ZNF654: variants seen among roughly 807,000 people sequenced by gnomAD.
The protein encoded by ZNF654 is zinc finger protein 654.
ZNF654 carries 19 observed loss-of-function variants against 95.3 expected under a neutral mutation model. The observed-to-expected ratio is 0.20, with a 90% confidence interval of 0.14 to 0.29. The LOEUF (loss-of-function observed/expected upper bound fraction) is 0.29. ZNF654 is among the 10% of genes least tolerant of loss of function. The pLI, the probability that ZNF654 is intolerant of heterozygous loss-of-function variation, is 1.00. For synonymous variants in ZNF654, 413 were observed against 457.9 expected (o/e 0.90, Z 1.25); for missense variants, 1,046 against 1,341.0 (o/e 0.78, Z 3.44).
chr3:88,080,439 C>G (rs186365408), intron 1 of ZNF654, among the ~76,000 whole-genome samples: 1 of 151,990 alleles, frequency 6.6e-6, no homozygotes, highest in Admixed American at 6.6e-5. Context: ...CAGGAATTAT[C>G]CTATATTTTA....
At chr3:88,088,443 C>G (rs1708449099) in intron 2 of ZNF654, among the ~76,000 whole-genome samples, 1 of 151,724 alleles carries the variant, frequency 6.6e-6, no homozygotes, top group Non-Finnish European at 1.5e-5. Flanking sequence ...AAGTTACGTA[C>G]AACATTAAAA....
chr3:88,112,589 A>T (rs557358500), intron 2 of ZNF654, among the ~76,000 whole-genome samples: 1 of 152,128 alleles, frequency 6.6e-6, no homozygotes, highest in South Asian at 2.1e-4. Context: ...TAGTGTGAGG[A>T]ACCATGTGTC....
Position 88,140,429 on chromosome 3 carries a change from G to A in ZNF654, c.2760G>A (p.Glu920=). Residue 920 remains glutamate, a synonymous_variant, in exon 8 of 9, where the codon GAG becomes GAA. Coordinates refer to ENST00000636215, the MANE Select transcript of ZNF654 (RefSeq NM_001350134.2). ...LPVSTSKSRK[E]STEPKTCIES... ...TTTCTACTAGCAAATCAAGGAAAGAGTCTACAGAACCAAAGACATGTATAG... is the reference window on the plus strand; with the variant it reads ...TTTCTACTAGCAAATCAAGGAAAGAATCTACAGAACCAAAGACATGTATAG... The A allele has an allele frequency of 6.2e-7, 1 of 1,613,460 alleles. No individual in the cohort carries two copies. Among genetic ancestry groups the A allele is most frequent in the Non-Finnish European group, 8.5e-7 (1 of 1,179,702 alleles).
At chr3:88,075,086 A>C (rs1307767536) in intron 1 of ZNF654, among the ~76,000 whole-genome samples, 1 of 152,158 alleles carries the variant, frequency 6.6e-6, no homozygotes, top group Non-Finnish European at 1.5e-5. Flanking sequence ...AGCCCCAGGT[A>C]CCTCATCTTA....
chr3:88,106,077 G>GA (rs1204152262), intron 2 of ZNF654, among the ~76,000 whole-genome samples: 1 of 152,122 alleles, frequency 6.6e-6, no homozygotes, highest in Non-Finnish European at 1.5e-5. Context: ...CAAACCTGTT[G>GA]GCGCTCTGAT....
Position 88,140,392 on chromosome 3 carries a change from T to C in ZNF654, c.2723T>C (p.Ile908Thr), listed in dbSNP as rs369986733. 5.5e-5 allele frequency: 88 copies of C among 1,613,044 alleles called. No homozygotes were observed. Among genetic ancestry groups the C allele is most frequent in the Non-Finnish European group, 6.9e-5 (81 of 1,179,508 alleles). Reference sequence around the variant, plus strand: ...TCATCTAGTAATGAGAAACAAACTATTAGTCTGCCAGTTTCTACTAGCAAA... The same window carrying C: ...TCATCTAGTAATGAGAAACAAACTACTAGTCTGCCAGTTTCTACTAGCAAA... ...KDSSSNEKQT[I>T]SLPVSTSKSR... Residue 908 changes from isoleucine (I) to threonine (T), a missense_variant, in exon 8 of 9, where the codon ATT (isoleucine) becomes ACT (threonine). Transcript: ENST00000636215.
chr3:88,093,702 C>T (rs958140295), intron 2 of ZNF654, among the ~76,000 whole-genome samples: 1 of 152,206 alleles, frequency 6.6e-6, no homozygotes, highest in African/African-American at 2.4e-5. Context: ...TACTGTATTT[C>T]ATACAGCATT....
intron 2 of ZNF654, chr3:88,095,604 A>T (rs1704012091): frequency 1.9e-6 from 1 of 520,420 alleles, no homozygotes; most frequent in African/African-American, 1.9e-5. Context: ...TGCCCCAATG[A>T]TCTTTTCTGG....
chr3:88,098,003 A>G (rs1215527031), intron 2 of ZNF654, among the ~76,000 whole-genome samples: 1 of 152,236 alleles, frequency 6.6e-6, no homozygotes, highest in Non-Finnish European at 1.5e-5. Context: ...TGAAGGAGAT[A>G]GAGACATAAA....
At chr3:88,126,579 CTTTTTTTTTT>C (rs144091813) in intron 4 of ZNF654, among the ~76,000 whole-genome samples, 2 of 81,744 alleles carry the variant, frequency 2.4e-5, no homozygotes, top group African/African-American at 9.0e-5. Context: ...GTAGAAACAT[CTTTTTTTTTT>C]TTTTTTTTTT....
At position 88,059,445 on chromosome 3, in the gene ZNF654, C is replaced by G; in HGVS notation, c.126C>G (p.Ser42Arg). Residue 42 changes from serine to arginine, a missense_variant, in exon 1 of 9, where the codon AGC becomes AGG. By Grantham distance (110) the Ser-to-Arg change is moderately radical. Coordinates refer to ENST00000636215, the MANE Select transcript of ZNF654 (RefSeq NM_001350134.2). ...AAGDGRGGAGSGNCGGGVGIS... is the reference protein window; with the variant it reads ...AAGDGRGGAGRGNCGGGVGIS... The stretch of plus-strand genomic sequence containing the variant: ...GCGACGGCAGAGGCGGCGCTGGCAG[C>G]GGCAACTGCGGCGGCGGCGTCGGAA... 1 of 1,519,844 alleles carries G rather than the reference C, an allele frequency of 6.6e-7. No homozygotes were observed. Among genetic ancestry groups the G allele is most frequent in the South Asian group, 1.2e-5 (1 of 82,560 alleles). The allele number at this position is 1,519,844 out of a possible 1,614,324, so 94.1% of individuals were successfully genotyped here.
chr3:88,072,099 C>G (rs1707549222), intron 1 of ZNF654, among the ~76,000 whole-genome samples: 1 of 151,932 alleles, frequency 6.6e-6, no homozygotes. Flanking sequence ...ATAATAGGTA[C>G]TGTGTGAAAA....
chr3:88,108,373 C>A (rs1421779109), intron 2 of ZNF654, among the ~76,000 whole-genome samples: 1 of 152,004 alleles, frequency 6.6e-6, no homozygotes, highest in Admixed American at 6.6e-5. Context: ...ATTAAAGGTA[C>A]CTAGTGACTC....
chr3:88,074,155 A>C (rs79479380), intron 1 of ZNF654, among the ~76,000 whole-genome samples: 6 of 152,310 alleles, frequency 3.9e-5, no homozygotes, highest in East Asian at 1.9e-4. Flanking sequence ...AAAGACATTA[A>C]GATCCCAAAT....
chr3:88,135,239 G>C, intron 7 of ZNF654, 37 bp downstream of exon 7: 1 of 1,356,754 alleles, frequency 7.4e-7, no homozygotes, highest in Non-Finnish European at 9.6e-7. Context: ...ATTTAAAATT[G>C]AGTGACAGTT....
At chr3:88,066,253 A>C (rs1201206276) in intron 1 of ZNF654, among the ~76,000 whole-genome samples, 1 of 152,208 alleles carries the variant, frequency 6.6e-6, no homozygotes, top group Non-Finnish European at 1.5e-5. Context: ...TTGCTTTCCA[A>C]ATAACCACTC....
chr3:88,111,573 TATTTA>T (rs1705091085), intron 2 of ZNF654, among the ~76,000 whole-genome samples: 1 of 152,060 alleles, frequency 6.6e-6, no homozygotes, highest in African/African-American at 2.4e-5. Context: ...TGTATGGATA[TATTTA>T]ATTTACCTAG....
intron 1 of ZNF654, among the ~76,000 whole-genome samples, chr3:88,069,392 A>T (rs1182962778): frequency 6.6e-6 from 1 of 152,208 alleles, no homozygotes; most frequent in Non-Finnish European, 1.5e-5. Context: ...GCTGCACTTC[A>T]GCCTGGGTGA....
chr3:88,090,314 G>A (rs1457343280), intron 2 of ZNF654, among the ~76,000 whole-genome samples: 2 of 152,024 alleles, frequency 1.3e-5, no homozygotes, highest in Non-Finnish European at 2.9e-5. Flanking sequence ...TTATATTGAT[G>A]ACCCTGATTC....
Sources: allele counts gnomAD v4.1 joint callset (sites outside exome capture counted in the v4.1 genomes callset), GRCh38; gene constraint gnomAD v4.1.1; transcripts MANE v1.5; gene names NCBI Gene and HGNC (gene_info 2026-07-23, HGNC 2026-07-21).